The following FAM135B variants were observed in gnomAD, a reference collection of about 807,000 sequenced individuals.
FAM135B encodes the protein protein FAM135B.
Under a neutral mutation model 127.7 loss-of-function variants are expected in FAM135B, and 43 were observed. That is an observed-to-expected ratio of 0.34 (90% confidence interval 0.26 to 0.43). The LOEUF (loss-of-function observed/expected upper bound fraction) is 0.43. Among genes scored for constraint, FAM135B ranks in the 20% least tolerant of loss-of-function variants. The probability of loss-of-function intolerance (pLI) is 1.00; values close to 1 mark genes in which losing one functional copy is unlikely to be tolerated. For synonymous variants in FAM135B, 670 were observed against 665.1 expected, an observed-to-expected ratio of 1.01 and a Z score of -0.11; for missense variants, 1,558 against 1,725.6, an observed-to-expected ratio of 0.90 and a Z score of 1.72.
intron 2 of FAM135B, among the ~76,000 whole-genome samples, chr8:138,321,474 C>T (rs992486046): frequency 1.3e-5 from 2 of 152,184 alleles, no homozygotes; most frequent in African/African-American, 4.8e-5. Context: ...GGTGTGCCCA[C>T]ACGTCTGGGC....
chr8:138,436,557 ACCT>A, intron 1 of FAM135B, among the ~76,000 whole-genome samples: 1 of 152,166 alleles, frequency 6.6e-6, no homozygotes, highest in East Asian at 1.9e-4. Context: ...GTTCCCAGGG[ACCT>A]CCTCCCACAA....
chr8:138,208,455 C>T (rs186643837), intron 7 of FAM135B, among the ~76,000 whole-genome samples: 2 of 152,272 alleles, frequency 1.3e-5, no homozygotes, highest in African/African-American at 4.8e-5. Context: ...TGTTTTCTTT[C>T]CTCTCTGTTT....
intron 1 of FAM135B, among the ~76,000 whole-genome samples, chr8:138,406,781 T>A (rs1833526839): frequency 6.7e-6 from 1 of 150,282 alleles, no homozygotes; most frequent in South Asian, 2.1e-4. Context: ...GAGCTATGTA[T>A]GACAAACTCA....
At chr8:138,304,078 G>A (rs528013497) in intron 3 of FAM135B, among the ~76,000 whole-genome samples, 30 of 152,300 alleles carry the variant, frequency 2.0e-4, no homozygotes, top group Admixed American at 1.7e-3. Context: ...GATGGGGAAT[G>A]GAGAACCAGG....
chr8:138,224,302 T>C lies in FAM135B; in HGVS notation c.669+18640A>G, dbSNP rs532468253. 9.2e-5 allele frequency among the ~76,000 whole-genome samples: 14 copies of C among 152,266 alleles called. 1 individual carries two copies. In the South Asian group the frequency reaches 2.7e-3, roughly 29 times the overall value. On this transcript the variant is annotated intron_variant, in intron 7 of 19. Transcript: ENST00000395297. ...TGTAGTTAGCACATTCAGGAAGGCA[T>C]AGGTGTCCAGCTGAGATGGAACAAT...
intron 7 of FAM135B, among the ~76,000 whole-genome samples, chr8:138,217,878 T>A (rs1238846176): frequency 1.3e-5 from 2 of 152,194 alleles, no homozygotes; most frequent in Admixed American, 1.3e-4. Flanking sequence ...AAAAGTTGAA[T>A]GTTACTATGA....
chr8:138,339,038 C>T (rs1828834395), intron 2 of FAM135B, among the ~76,000 whole-genome samples: 2 of 147,666 alleles, frequency 1.4e-5, no homozygotes, highest in Admixed American at 1.4e-4. Context: ...CATGTTCTCA[C>T]TCATAGGTAG....
intron 1 of FAM135B, among the ~76,000 whole-genome samples, chr8:138,418,238 C>A (rs1334676186): frequency 3.3e-5 from 5 of 151,958 alleles, no homozygotes; most frequent in African/African-American, 4.8e-5. Context: ...CCAACTCAGA[C>A]AAAAGTAAAG....
chr8:138,371,307 C>T (rs1048079343), intron 1 of FAM135B, among the ~76,000 whole-genome samples: 4 of 152,098 alleles, frequency 2.6e-5, no homozygotes, highest in Non-Finnish European at 5.9e-5. Flanking sequence ...CATATGCAAA[C>T]AATAGACCCA....
At chr8:138,191,422 T>G (rs1323996269) in intron 9 of FAM135B, among the ~76,000 whole-genome samples, 1 of 152,220 alleles carries the variant, frequency 6.6e-6, no homozygotes, top group African/African-American at 2.4e-5. Context: ...GGGTATGACA[T>G]TAGTGGCTCC....
intron 1 of FAM135B, among the ~76,000 whole-genome samples, chr8:138,491,987 T>C (rs919726187): frequency 2.6e-5 from 4 of 152,142 alleles, no homozygotes; most frequent in Non-Finnish European, 5.9e-5. Context: ...GGGCTGAATG[T>C]CGTGTAGGTT....
At chr8:138,281,585 C>CTT (rs1563853195) in intron 3 of FAM135B, among the ~76,000 whole-genome samples, 5 of 152,078 alleles carry the variant, frequency 3.3e-5, no homozygotes, top group Non-Finnish European at 7.3e-5. Context: ...TGTTCCACTC[C>CTT]TCCCCCTTGA....
chr8:138,293,008 A>T (rs376384347), intron 3 of FAM135B, among the ~76,000 whole-genome samples: 2 of 152,278 alleles, frequency 1.3e-5, no homozygotes, highest in East Asian at 3.9e-4. Context: ...ATTATACTAC[A>T]AGTCTATAGT....
chr8:138,242,852 A>T lies in FAM135B; in HGVS notation c.669+90T>A, dbSNP rs1283295007. The T allele has an allele frequency of 6.7e-7, 1 of 1,483,602 alleles. No homozygotes were observed. The highest frequency in any genetic ancestry group is 9.0e-7 in the Non-Finnish European group (1 of 1,111,286). 91.9% of individuals were successfully genotyped at this position (1,483,602 alleles called of 1,614,324 possible). Reference sequence around the variant, plus strand: ...AAATTAGCAAAAATCTCTGAAGGGGATGTTTCAAAGAAGCATGAATCTCAT... The same window carrying T: ...AAATTAGCAAAAATCTCTGAAGGGGTTGTTTCAAAGAAGCATGAATCTCAT... On this transcript the variant is annotated intron_variant, in intron 7 of 19. Coordinates refer to ENST00000395297, the MANE Select transcript of FAM135B (RefSeq NM_015912.4). The surrounding 1 kb of genome is among the most constrained non-coding windows in gnomAD (Gnocchi z 9.6).
chr8:138,231,888 C>T (rs1375677044), intron 7 of FAM135B, among the ~76,000 whole-genome samples: 4 of 152,234 alleles, frequency 2.6e-5, no homozygotes, highest in Non-Finnish European at 4.4e-5. Context: ...GTCACCATCA[C>T]GGCATCCCTG....
intron 11 of FAM135B, among the ~76,000 whole-genome samples, chr8:138,170,809 T>C (rs1289520901): frequency 6.6e-6 from 1 of 151,694 alleles, no homozygotes; most frequent in Admixed American, 6.6e-5. Context: ...AATTGTGGGA[T>C]TGAGTGGGGA....
chr8:138,295,638 C>A (rs1205456304), intron 3 of FAM135B, among the ~76,000 whole-genome samples: 1 of 152,066 alleles, frequency 6.6e-6, no homozygotes, highest in Non-Finnish European at 1.5e-5. Context: ...CGTGAGGAGG[C>A]AAAGCAGAGG....
intron 12 of FAM135B, among the ~76,000 whole-genome samples, chr8:138,161,072 T>A (rs1245764625): frequency 6.6e-6 from 1 of 152,198 alleles, no homozygotes; most frequent in Non-Finnish European, 1.5e-5. Flanking sequence ...ATAAACTTCA[T>A]GCTCTACAGT....
intron 12 of FAM135B, among the ~76,000 whole-genome samples, chr8:138,165,494 A>G (rs1338446173): frequency 6.6e-6 from 1 of 152,162 alleles, no homozygotes; most frequent in African/African-American, 2.4e-5. Flanking sequence ...TGAGATTCAT[A>G]TTCACAAGAA....
Sources: allele counts gnomAD v4.1 joint callset (sites outside exome capture counted in the v4.1 genomes callset), GRCh38; gene constraint gnomAD v4.1.1; non-coding constraint Gnocchi (gnomAD v3.1); transcripts MANE v1.5; gene names NCBI Gene and HGNC (gene_info 2026-07-23, HGNC 2026-07-21).